RTN4IP1: variants seen among roughly 807,000 people sequenced by gnomAD.
RTN4IP1 encodes reticulon 4 interacting protein 1.
RTN4IP1 carries 32 observed loss-of-function variants against 46.6 expected under a neutral mutation model. The ratio of observed to expected loss-of-function variants is 0.69; its 90% CI spans 0.52 to 0.92. RTN4IP1 has a LOEUF of 0.92. Ranked by LOEUF, RTN4IP1 falls within the 40% of genes least tolerant of loss-of-function variation. The pLI is 0.00. For missense variants in RTN4IP1, 424 were observed against 485.8 expected, an observed-to-expected ratio of 0.87 and a Z score of 1.20; for synonymous variants, 167 against 161.8, an observed-to-expected ratio of 1.03 and a Z score of -0.24.
chr6:106,600,075 C>A (rs979191557), intron 5 of RTN4IP1, among the ~76,000 whole-genome samples: 1 of 152,040 alleles, frequency 6.6e-6, no homozygotes, highest in Non-Finnish European at 1.5e-5. Context: ...TTAAAGTGTG[C>A]ATCCCAGGAA....
intron 4 of RTN4IP1, among the ~76,000 whole-genome samples, chr6:106,604,622 G>A (rs1471963323): frequency 6.6e-6 from 1 of 152,066 alleles, no homozygotes; most frequent in Non-Finnish European, 1.5e-5. Flanking sequence ...ACCAAACACA[G>A]AAGATTAACT....
intron 7 of RTN4IP1, 74 bp from the exon 8 acceptor site, chr6:106,583,494 G>A: frequency 8.3e-7 from 1 of 1,202,586 alleles, no homozygotes; most frequent in Non-Finnish European, 1.2e-6. Flanking sequence ...TTAGGGAAAA[G>A]CATTTTCTGG....
chr6:106,597,898 A>C (rs1775839501), intron 5 of RTN4IP1, among the ~76,000 whole-genome samples: 1 of 151,416 alleles, frequency 6.6e-6, no homozygotes, highest in Non-Finnish European at 1.5e-5. Flanking sequence ...TCCTGTGTCC[A>C]TGTGATCTCA....
Position 106,592,252 on chromosome 6 carries a change from C to T in RTN4IP1, c.718G>A (p.Ala240Thr), listed in dbSNP as rs1441171992. 1 of 1,614,030 alleles carries T rather than the reference C, an allele frequency of 6.2e-7. No individual in the cohort carries two copies. Among genetic ancestry groups the T allele is most frequent in the Admixed American group, 1.7e-5 (1 of 60,008 alleles). The change falls in exon 6 of 9, where the codon GCC (alanine) becomes ACC (threonine). Residue 240 changes from alanine to threonine, a missense_variant. Transcript: ENST00000369063. ...CCAAGCTTCCTTACAAGTTCACTGG[C>T]ATCTTGGGAGCAAACTGCTGTCACA... ...AHVTAVCSQD[A>T]SELVRKLGAD...
intron 4 of RTN4IP1, among the ~76,000 whole-genome samples, chr6:106,616,549 A>G (rs939593153): frequency 6.7e-6 from 1 of 148,836 alleles, no homozygotes; most frequent in Non-Finnish European, 1.5e-5. Flanking sequence ...TGTGCAGACT[A>G]AGGCATGCCT....
intron 1 of RTN4IP1, 64 bp from the exon 2 acceptor site, chr6:106,623,033 A>T (rs1200464735): frequency 6.6e-7 from 1 of 1,513,428 alleles, no homozygotes; most frequent in Non-Finnish European, 9.1e-7. Context: ...AAACTACTAC[A>T]GGGTTATAGT....
At chr6:106,580,856 G>A (rs994467894) in intron 8 of RTN4IP1, among the ~76,000 whole-genome samples, 14 of 151,680 alleles carry the variant, frequency 9.2e-5, no homozygotes, top group Admixed American at 8.5e-4. Flanking sequence ...CTGAAGCACT[G>A]TTTGCAAAAG....
intron 8 of RTN4IP1, 121 bp from the exon 9 acceptor site, chr6:106,572,224 C>T: frequency 1.3e-6 from 1 of 763,160 alleles, no homozygotes. Flanking sequence ...AGTGTCTCTC[C>T]AGTGGACCCA....
intron 1 of RTN4IP1, among the ~76,000 whole-genome samples, 182 bp downstream of exon 1, chr6:106,628,566 T>C (rs567381820): frequency 7.2e-5 from 11 of 152,198 alleles, no homozygotes; most frequent in Non-Finnish European, 1.3e-4. Flanking sequence ...TCAATACAAA[T>C]GGCCAGAAGG....
In RTN4IP1 at chr6:106,573,513, A is replaced by T. The variant is rs1203394191; in HGVS notation, c.1084-1410T>A. On this transcript the variant is annotated intron_variant, in intron 8 of 8. Transcript: ENST00000369063. ...CAAATCACAATAAGCTCATAATAAA[A>T]GCAACAGCTGGCACATACTGGCCTC... Among the ~76,000 whole-genome samples, 8 of 152,366 alleles carry T rather than the reference A, an allele frequency of 5.3e-5. No homozygotes were observed. The East Asian group carries it at 1.5e-3, about 29-fold the overall frequency.
At chr6:106,583,855 T>C (rs1775423817) in intron 7 of RTN4IP1, among the ~76,000 whole-genome samples, 1 of 152,138 alleles carries the variant, frequency 6.6e-6, no homozygotes, top group African/African-American at 2.4e-5. Context: ...GGACAATAAG[T>C]CACCAAAATA....
intron 4 of RTN4IP1, among the ~76,000 whole-genome samples, chr6:106,615,359 C>T (rs1012398446): frequency 1.4e-4 from 21 of 152,120 alleles, no homozygotes; most frequent in African/African-American, 5.1e-4. Flanking sequence ...TAATCAGACA[C>T]CTAATTTACA....
intron 8 of RTN4IP1, among the ~76,000 whole-genome samples, chr6:106,576,397 A>T (rs991763022): frequency 6.6e-6 from 1 of 152,206 alleles, no homozygotes; most frequent in Non-Finnish European, 1.5e-5. Flanking sequence ...TTCCTCATAG[A>T]AACAATTTCA....
chr6:106,603,408 C>G (rs2114656454), intron 4 of RTN4IP1, among the ~76,000 whole-genome samples: 1 of 152,226 alleles, frequency 6.6e-6, no homozygotes, highest in South Asian at 2.1e-4. Context: ...AAATCAATTC[C>G]CATCCTCGAT....
chr6:106,575,953 T>C (rs1775217577), intron 8 of RTN4IP1, among the ~76,000 whole-genome samples: 1 of 152,044 alleles, frequency 6.6e-6, no homozygotes, highest in Non-Finnish European at 1.5e-5. Flanking sequence ...CACTGACAGG[T>C]GACAAACACC....
intron 8 of RTN4IP1, among the ~76,000 whole-genome samples, chr6:106,576,699 CTATT>C (rs1182680144): frequency 6.6e-6 from 1 of 152,204 alleles, no homozygotes; most frequent in Non-Finnish European, 1.5e-5. Flanking sequence ...AGACACGTGA[CTATT>C]TACGTTAATC....
intron 1 of RTN4IP1, among the ~76,000 whole-genome samples, chr6:106,627,743 C>CTTTTTTTTTTTT (rs759953237): frequency 7.5e-5 from 4 of 52,990 alleles, no homozygotes; most frequent in African/African-American, 2.5e-4. Flanking sequence ...CATTTCAATG[C>CTTTTTTTTTTTT]TTTTTTTTTT....
chr6:106,580,549 T>C (rs1253247836), intron 8 of RTN4IP1, among the ~76,000 whole-genome samples: 2 of 151,888 alleles, frequency 1.3e-5, no homozygotes, highest in Non-Finnish European at 2.9e-5. Context: ...CGAAACCCCA[T>C]CTCTACTAAA....
At chr6:106,581,342 T>C (rs1775365730) in intron 8 of RTN4IP1, among the ~76,000 whole-genome samples, 1 of 152,248 alleles carries the variant, frequency 6.6e-6, no homozygotes, top group Admixed American at 6.5e-5. Flanking sequence ...CATGAAGCGC[T>C]CAGCCAAAGC....
Sources: gnomAD v4.1 joint callset for allele counts (sites outside exome capture counted in the v4.1 genomes callset) on GRCh38, gnomAD v4.1.1 for gene constraint, MANE v1.5 for transcripts, NCBI Gene and HGNC (gene_info 2026-07-23, HGNC 2026-07-21) for gene names.